Variants in PCM1 observed in about 807,000 individuals in gnomAD.
PCM1 encodes the protein pericentriolar material 1 protein.
PCM1 carries 157 observed loss-of-function variants against 241.9 expected under a neutral mutation model. That is an observed-to-expected ratio of 0.65 (90% confidence interval 0.57 to 0.74). PCM1 has a LOEUF of 0.74. Ranked by LOEUF, PCM1 falls within the 30% of genes least tolerant of loss-of-function variation. PCM1 has a pLI of 0.00. For synonymous variants in PCM1, 1,085 were observed against 784.9 expected, an observed-to-expected ratio of 1.38 and a Z score of -6.39; for missense variants, 3,478 against 2,360.1, an observed-to-expected ratio of 1.47 and a Z score of -9.81.
At chr8:18,014,069 A>ATAAT in intron 35 of PCM1, 33 bp downstream of exon 35, 1 of 1,167,470 alleles carries the variant, frequency 8.6e-7, no homozygotes, top group Non-Finnish European at 1.2e-6. Flanking sequence ...TGATTTTAAG[A>ATAAT]TAATTTCCTT....
In PCM1 at chr8:17,960,002, A is replaced by C. The variant is rs777132038; in HGVS notation, c.2041-12A>C. ...GTATCAAGATTGTTTTAATGTAATG[A>C]TGCTCTTTCAGGATGATGATGCAGC... On this transcript the variant is annotated splice_polypyrimidine_tract_variant and intron_variant, in intron 13 of 38. Transcript: ENST00000325083. The C allele has an allele frequency of 1.9e-6, 3 of 1,611,022 alleles. No individual in the cohort carries two copies. Among genetic ancestry groups the C allele is most frequent in the African/African-American group, 2.7e-5 (2 of 74,970 alleles).
chr8:18,007,591 T>G (rs2091684071), intron 30 of PCM1, among the ~76,000 whole-genome samples: 1 of 152,232 alleles, frequency 6.6e-6, no homozygotes, highest in South Asian at 2.1e-4. Context: ...AAAGACTTTT[T>G]TCTCAGTCTA....
chr8:17,951,515 G>A (rs1304331426), intron 8 of PCM1, among the ~76,000 whole-genome samples: 2 of 152,206 alleles, frequency 1.3e-5, no homozygotes, highest in African/African-American at 2.4e-5. Context: ...CAGCCCAAAT[G>A]TCCATCAACA....
intron 10 of PCM1, chr8:17,956,104 T>A (rs1240555550): frequency 4.8e-6 from 1 of 208,624 alleles, no homozygotes; most frequent in Non-Finnish European, 9.4e-6. Context: ...GTTGGCGCAG[T>A]TCCTGGCACT....
At chr8:17,997,114 G>A (rs2087127910) in intron 29 of PCM1, among the ~76,000 whole-genome samples, 1 of 151,742 alleles carries the variant, frequency 6.6e-6, no homozygotes, top group Non-Finnish European at 1.5e-5. Context: ...GCTTTTGTCT[G>A]GGAAAGTATT....
In PCM1 at chr8:17,967,113, C is replaced by T; in HGVS notation, c.3355C>T (p.Gln1119Ter). The T allele has an allele frequency of 1.2e-6, 2 of 1,607,038 alleles. No individual in the cohort carries two copies. The highest frequency in any genetic ancestry group is 1.7e-6 in the Non-Finnish European group (2 of 1,176,326). Residue 1119 changes from glutamine to a stop codon, truncating the protein, a stop_gained, in exon 21 of 39, where the codon CAG becomes TAG. Coordinates refer to ENST00000325083, the MANE Select transcript of PCM1 (RefSeq NM_006197.4). LOFTEE classifies it high-confidence loss of function. ...SLFCPFSFPT[Q>*]PVNLFNIPGF... ...ATTTTGTCCTTTCAGCTTTCCAACA[C>T]AGCCTGTAAATCTCTTCAATATACC...
At chr8:17,986,408 G>A (rs767268617) in intron 26 of PCM1, 52 of 153,448 alleles carry the variant, frequency 3.4e-4, no homozygotes, top group Admixed American at 6.1e-4. Context: ...AAGACATTCA[G>A]TAAAACAGGT....
chr8:17,940,101 T>C, intron 6 of PCM1: 1 of 1,579,680 alleles, frequency 6.3e-7, no homozygotes, highest in Non-Finnish European at 8.5e-7. Flanking sequence ...GATCTGGTTC[T>C]GTAGCTGAGA....
intron 33 of PCM1, 141 bp from the exon 34 acceptor site, chr8:18,011,526 T>G: frequency 8.4e-6 from 9 of 1,075,418 alleles, no homozygotes; most frequent in South Asian, 1.8e-5. Flanking sequence ...CTTTCTGCAC[T>G]GTAAGTTTTT....
At chr8:17,953,607 C>G (rs1024925905) in intron 9 of PCM1, among the ~76,000 whole-genome samples, 1 of 152,028 alleles carries the variant, frequency 6.6e-6, no homozygotes, top group African/African-American at 2.4e-5. Context: ...AAAAACAAAA[C>G]TATGAAAAAC....
In PCM1 at chr8:17,938,528, C is replaced by T. The variant is rs549160516; in HGVS notation, c.343-212C>T. On this transcript the variant is annotated intron_variant, in intron 4 of 38. Transcript: ENST00000325083. The stretch of plus-strand genomic sequence containing the variant: ...TTCATATTCGTCAGTTGAATTGTCT[C>T]AGCAAAGTGAAGTCTAGAAAATGCT... Among the ~76,000 whole-genome samples the T allele has an allele frequency of 2.6e-5, 4 of 152,288 alleles. No homozygotes were observed. In the South Asian group the frequency reaches 8.3e-4, roughly 32 times the overall value.
intron 29 of PCM1, among the ~76,000 whole-genome samples, chr8:18,003,534 T>G (rs2090311783): frequency 6.6e-6 from 1 of 152,216 alleles, no homozygotes; most frequent in Non-Finnish European, 1.5e-5. Context: ...ACAGGCAGAA[T>G]TCCTTCCTCT....
chr8:17,948,294 C>CTTTT lies in PCM1; in HGVS notation c.961+955_961+958dup, dbSNP rs550672840. On this transcript the variant is annotated intron_variant, in intron 7 of 38. Transcript: ENST00000325083. ...GAACGTTATGACTTTCAAATAACCT[C>CTTTT]TTTTTTTTTTTTTTTTTTTTTTTTT... Among the ~76,000 whole-genome samples, 34 of 64,006 alleles carry CTTTT rather than the reference C, an allele frequency of 5.3e-4. 2 individuals are homozygous for CTTTT. Among genetic ancestry groups the CTTTT allele is most frequent in the African/African-American group, 1.9e-3 (30 of 15,840 alleles). The allele number at this position is 64,006 out of a possible 152,430, so 42.0% of individuals were successfully genotyped here.
intron 36 of PCM1, among the ~76,000 whole-genome samples, chr8:18,022,853 C>T (rs1461386262): frequency 6.6e-6 from 1 of 152,142 alleles, no homozygotes; most frequent in African/African-American, 2.4e-5. Flanking sequence ...AAAGGAAACT[C>T]TAGAGGCAAA....
At chr8:18,007,588 T>G (rs1224644673) in intron 30 of PCM1, among the ~76,000 whole-genome samples, 1 of 152,204 alleles carries the variant, frequency 6.6e-6, no homozygotes, top group Non-Finnish European at 1.5e-5. Flanking sequence ...TCTAAAGACT[T>G]TTTTCTCAGT....
Position 17,950,662 on chromosome 8 carries a change from G to A in PCM1, c.1009G>A (p.Glu337Lys), listed in dbSNP as rs2129458228. 1.9e-6 allele frequency: 3 copies of A among 1,606,086 alleles called. No homozygotes were observed. In the East Asian group the frequency reaches 6.7e-5, roughly 36 times the overall value. The change falls in exon 8 of 39, where the codon GAA (glutamate) becomes AAA (lysine). Residue 337 changes from glutamate (E) to lysine (K), a missense_variant. Physicochemically the swap from Glu to Lys is moderately conservative, Grantham distance 56 (BLOSUM62 1). Coordinates refer to ENST00000325083, the MANE Select transcript of PCM1 (RefSeq NM_006197.4). The part of the protein sequence containing the change: ...GSLSGVSITS[E>K]LNEELNDLIQ... ...CTTATCTGGCGTCAGTATCACATCT[G>A]AACTAAATGAAGAATTGAATGACTT...
chr8:17,971,897 C>T (rs151040690), intron 22 of PCM1, among the ~76,000 whole-genome samples: 83 of 152,282 alleles, frequency 5.5e-4, no homozygotes, highest in African/African-American at 1.8e-3. Context: ...GCACATGCCA[C>T]TGTGCCTGGC....
At chr8:17,936,745 G>T (rs1445659717) in intron 3 of PCM1, among the ~76,000 whole-genome samples, 1 of 152,086 alleles carries the variant, frequency 6.6e-6, no homozygotes, top group Non-Finnish European at 1.5e-5. Flanking sequence ...TTTGATTTCA[G>T]ATCTCTTTTT....
intron 22 of PCM1, among the ~76,000 whole-genome samples, chr8:17,970,180 G>A (rs1031550225): frequency 6.6e-6 from 1 of 152,000 alleles, no homozygotes; most frequent in African/African-American, 2.4e-5. Context: ...AACAACTTTT[G>A]TCTCATAAGT....
Sources: allele counts gnomAD v4.1 joint callset (sites outside exome capture counted in the v4.1 genomes callset), GRCh38; gene constraint gnomAD v4.1.1; transcripts MANE v1.5; gene names NCBI Gene and HGNC (gene_info 2026-07-23, HGNC 2026-07-21).